Variants in CDC20B observed in about 807,000 individuals in gnomAD.
CDC20B encodes cell division cycle protein 20 homolog B.
In CDC20B, 58 loss-of-function variants were observed where a neutral mutation model predicts 64.1. The ratio of observed to expected loss-of-function variants is 0.90; its 90% confidence interval spans 0.73 to 1.13. The LOEUF is 1.13. Among genes scored for constraint, CDC20B ranks in the 50% most tolerant of loss-of-function variants. The probability of loss-of-function intolerance (pLI) is 0.00; values close to 1 mark genes in which losing one functional copy is unlikely to be tolerated. For synonymous variants in CDC20B, 243 were observed against 230.6 expected (o/e 1.05, Z -0.49); for missense variants, 597 against 633.0 (o/e 0.94, Z 0.61).
chr5:55,135,256 G>C (rs1022189922), intron 5 of CDC20B, among the ~76,000 whole-genome samples: 1 of 152,044 alleles, frequency 6.6e-6, no homozygotes, highest in Admixed American at 6.5e-5. Context: ...TATACAGAGA[G>C]AGAAAGAGAG....
At chr5:55,154,756 T>C (rs1296091213) in intron 2 of CDC20B, among the ~76,000 whole-genome samples, 1 of 152,240 alleles carries the variant, frequency 6.6e-6, no homozygotes, top group Non-Finnish European at 1.5e-5. Flanking sequence ...AGATGAACAC[T>C]AATAATTATG....
rs1742575498 is a variant in CDC20B at position 55,114,293 on chromosome 5, C to T, written c.1485G>A (p.Leu495=). The change falls in exon 12 of 12, where the codon CTG becomes CTA. Residue 495 remains leucine, a synonymous_variant. Coordinates refer to ENST00000381375, the MANE Select transcript of CDC20B (RefSeq NM_001170402.1). The surrounding 1 kb of genome is among the most constrained non-coding windows in gnomAD (Gnocchi z 4.1). ...FFGHRGRVLH[L]SLSPDQTRVF... ...CCCGGGTCTGGTCTGGACTCAAAGA[C>T]AGGTGCAGCACTCTGCCCCTGTGGC... The T allele has an allele frequency of 6.2e-7, 1 of 1,613,854 alleles. No homozygotes were observed. Among genetic ancestry groups the T allele is most frequent in the Non-Finnish European group, 8.5e-7 (1 of 1,179,890 alleles).
intron 6 of CDC20B, among the ~76,000 whole-genome samples, chr5:55,132,025 C>T (rs1278163281): frequency 6.6e-6 from 1 of 151,668 alleles, no homozygotes; most frequent in Non-Finnish European, 1.5e-5. Context: ...AGCCACTGCA[C>T]TCCAGCCTGG....
chr5:55,137,759 A>T, intron 5 of CDC20B: 1 of 440,298 alleles, frequency 2.3e-6, no homozygotes, highest in Non-Finnish European at 4.6e-6. Context: ...AGGGGTGAAG[A>T]CACAAGAACA....
chr5:55,137,847 G>A (rs1743224575), intron 5 of CDC20B, among the ~76,000 whole-genome samples: 1 of 152,154 alleles, frequency 6.6e-6, no homozygotes, highest in Non-Finnish European at 1.5e-5. Flanking sequence ...ATTAATAACT[G>A]ACCAAGAAGA....
At chr5:55,151,440 G>T (rs563880342) in intron 2 of CDC20B, among the ~76,000 whole-genome samples, 7 of 152,290 alleles carry the variant, frequency 4.6e-5, no homozygotes, top group Admixed American at 1.3e-4. Context: ...AACTTAGTTT[G>T]CAGAAAACAT....
At chr5:55,157,740 G>A (rs1198518709) in intron 2 of CDC20B, among the ~76,000 whole-genome samples, 3 of 152,150 alleles carry the variant, frequency 2.0e-5, no homozygotes, top group Non-Finnish European at 2.9e-5. Context: ...AAGAGTTTCT[G>A]TACTTATAAT....
At chr5:55,135,073 T>C (rs994175493) in intron 5 of CDC20B, among the ~76,000 whole-genome samples, 1 of 152,220 alleles carries the variant, frequency 6.6e-6, no homozygotes, top group African/African-American at 2.4e-5. Context: ...TGTAGGTTCA[T>C]TGATTGTAAC....
At chr5:55,162,796 C>T (rs1472123158) in intron 2 of CDC20B, among the ~76,000 whole-genome samples, 2 of 152,208 alleles carry the variant, frequency 1.3e-5, no homozygotes, top group Non-Finnish European at 2.9e-5. Flanking sequence ...TTTATCACTA[C>T]AAACCTTCTA....
rs149237876 is a variant in CDC20B, at chr5:55,141,312, C to A, written c.487-905G>T. 3.9e-5 allele frequency among the ~76,000 whole-genome samples: 6 copies of A among 152,210 alleles called. No individual in the cohort carries two copies. In the East Asian group the frequency reaches 7.7e-4, roughly 19 times the overall value. On this transcript the variant is annotated intron_variant, in intron 4 of 11. Transcript: ENST00000381375. ...GCTTAACACTTTCTTTCTCTGGGCA[C>A]GAGCAAGCCAAGCTGTGTCCTGGCT...
chr5:55,156,593 TGGCCAGG>T (rs1254352120), intron 2 of CDC20B, among the ~76,000 whole-genome samples: 3 of 152,130 alleles, frequency 2.0e-5, no homozygotes, highest in Non-Finnish European at 2.9e-5. Flanking sequence ...CATAAGTCAC[TGGCCAGG>T]CATGGTGGCT....
At chr5:55,115,996 C>A (rs780368284) in intron 11 of CDC20B, among the ~76,000 whole-genome samples, 1 of 152,024 alleles carries the variant, frequency 6.6e-6, no homozygotes, top group African/African-American at 2.4e-5. Context: ...ACATTTATAA[C>A]GACAATGCAG....
chr5:55,152,282 T>C, intron 2 of CDC20B, among the ~76,000 whole-genome samples: 1 of 152,260 alleles, frequency 6.6e-6, no homozygotes, highest in East Asian at 1.9e-4. Flanking sequence ...ACAAAGTTTC[T>C]GGTAATTTGT....
At chr5:55,117,486 T>C (rs1161261359) in intron 11 of CDC20B, among the ~76,000 whole-genome samples, 1 of 152,212 alleles carries the variant, frequency 6.6e-6, no homozygotes, top group Non-Finnish European at 1.5e-5. Flanking sequence ...TCTATTTCAC[T>C]TTTTATTGCT....
Position 55,142,267 on chromosome 5 carries a change from T to C in CDC20B, c.486+1246A>G, listed in dbSNP as rs202159957. ...AGTGAGGACCACATGAAGACACACGTTTACTCTACAGGGGAAAGACCTCGC... is the reference window on the plus strand; with the variant it reads ...AGTGAGGACCACATGAAGACACACGCTTACTCTACAGGGGAAAGACCTCGC... On this transcript the variant is annotated intron_variant, in intron 4 of 11. Coordinates refer to ENST00000381375, the MANE Select transcript of CDC20B (RefSeq NM_001170402.1). Among the ~76,000 whole-genome samples the C allele has an allele frequency of 2.6e-5, 4 of 152,002 alleles. No individual in the cohort carries two copies. The East Asian group carries it at 7.7e-4, about 29-fold the overall frequency.
intron 1 of CDC20B, 98 bp from the exon 2 acceptor site, chr5:55,172,748 ACTT>A: frequency 1.4e-6 from 1 of 714,798 alleles, no homozygotes; most frequent in East Asian, 3.1e-5. Context: ...GTCAGATTAC[ACTT>A]TTTTTTTTTT....
chr5:55,124,358 C>A (rs73115900), intron 9 of CDC20B, among the ~76,000 whole-genome samples: 1 of 152,124 alleles, frequency 6.6e-6, no homozygotes, highest in Non-Finnish European at 1.5e-5. Context: ...TCTTATCCAG[C>A]GCCCATCTGG....
At chr5:55,167,087 G>A (rs938444634) in intron 2 of CDC20B, 3 of 152,148 alleles carry the variant, frequency 2.0e-5, no homozygotes, top group Non-Finnish European at 4.4e-5. Context: ...GGCATCACAT[G>A]AAAGAGTATT....
chr5:55,143,517 C>A lies in CDC20B; in HGVS notation c.482G>T (p.Gly161Val), dbSNP rs1292766211. 6.3e-7 allele frequency: 1 copy of A among 1,593,346 alleles called. No homozygotes were observed. ...AGTTTTTTTCTCTTTACCTACCTGC[C>A]CTTTTGAGGCAACACTTTCTTTCCA... is the stretch of plus-strand genomic sequence containing the variant. Reference protein sequence around the residue: ...RDWKESVASKGQKCLKQLFVT... With the variant: ...RDWKESVASKVQKCLKQLFVT... Residue 161 changes from glycine to valine, a missense_variant, in exon 4 of 12, where the codon GGG (glycine) becomes GTG (valine). Gly to Val is a moderately radical substitution (Grantham distance 109, BLOSUM62 -3). Transcript: ENST00000381375.
Sources: gnomAD v4.1 joint callset for allele counts (sites outside exome capture counted in the v4.1 genomes callset) on GRCh38, gnomAD v4.1.1 for gene constraint, Gnocchi (gnomAD v3.1) non-coding constraint, MANE v1.5 for transcripts, NCBI Gene and HGNC (gene_info 2026-07-23, HGNC 2026-07-21) for gene names.